SHLD2: variants seen among roughly 807,000 people sequenced by gnomAD.
SHLD2 encodes the protein RINN1-REV7-interacting novel NHEJ regulator 2.
SHLD2 carries 30 observed loss-of-function variants against 73.2 expected under a neutral mutation model. The ratio of observed to expected loss-of-function variants is 0.41; its 90% CI spans 0.31 to 0.56. SHLD2 has a LOEUF of 0.56. Ranked by LOEUF, SHLD2 falls within the 20% of genes least tolerant of loss-of-function variation. The pLI, the probability that SHLD2 is intolerant of heterozygous loss-of-function variation, is 0.28. For synonymous variants in SHLD2, 285 were observed against 370.1 expected (o/e 0.77, Z 2.64); for missense variants, 745 against 1,055.9 (o/e 0.71, Z 4.08).
chr10:87,101,949 T>C (rs1842293788), intron 2 of SHLD2, among the ~76,000 whole-genome samples: 1 of 152,204 alleles, frequency 6.6e-6, no homozygotes, highest in Non-Finnish European at 1.5e-5. Flanking sequence ...CATTCTGATA[T>C]TTACTTTAGT....
intron 2 of SHLD2, among the ~76,000 whole-genome samples, chr10:87,141,133 AAG>A (rs1167573032): frequency 6.6e-6 from 1 of 151,106 alleles, no homozygotes; most frequent in Non-Finnish European, 1.5e-5. Context: ...AAAATTTAAA[AAG>A]GGGGGCATGG....
chr10:87,163,332 C>T (rs1408580532), intron 4 of SHLD2, among the ~76,000 whole-genome samples: 3 of 151,996 alleles, frequency 2.0e-5, no homozygotes, highest in African/African-American at 7.2e-5. Flanking sequence ...AGATTGGTCA[C>T]CTACAGGGGG....
At chr10:87,167,510 C>G (rs1847285521) in intron 4 of SHLD2, among the ~76,000 whole-genome samples, 3 of 152,080 alleles carry the variant, frequency 2.0e-5, no homozygotes, top group African/African-American at 7.2e-5. Context: ...CAAGTGGTTA[C>G]AACTCATGAG....
At position 87,146,728 on chromosome 10, in the gene SHLD2, T is replaced by C. The variant is rs563946789; in HGVS notation, c.-5-4622T>C. On this transcript the variant is annotated intron_variant, in intron 2 of 9. Transcript: ENST00000298786. ...ATTAGACACCCCTGATTTAGACAAATAAGTGAAGGCACACTGAAATAACAA... is the reference window on the plus strand; with the variant it reads ...ATTAGACACCCCTGATTTAGACAAACAAGTGAAGGCACACTGAAATAACAA... Among the ~76,000 whole-genome samples the C allele has an allele frequency of 1.8e-4, 27 of 151,954 alleles. No individual in the cohort carries two copies. The Middle Eastern group carries it at 0.02, about 115-fold the overall frequency.
At chr10:87,169,071 G>A (rs910169514) in intron 4 of SHLD2, among the ~76,000 whole-genome samples, 2 of 152,134 alleles carry the variant, frequency 1.3e-5, no homozygotes, top group African/African-American at 2.4e-5. Flanking sequence ...TTTCCATGAG[G>A]TAGACTTTTT....
At chr10:87,120,028 G>T (rs188757412) in intron 2 of SHLD2, among the ~76,000 whole-genome samples, 4 of 152,090 alleles carry the variant, frequency 2.6e-5, no homozygotes, top group African/African-American at 9.6e-5. Flanking sequence ...TATGTGATGA[G>T]ATTTCTAATA....
In SHLD2 at chr10:87,176,008, A is replaced by G. The variant is rs1342150126; in HGVS notation, c.2083A>G (p.Ile695Val). 3.2e-6 allele frequency: 5 copies of G among 1,549,284 alleles called. No homozygotes were observed. Among genetic ancestry groups the G allele is most frequent in the Non-Finnish European group, 4.4e-6 (5 of 1,146,854 alleles). The part of the protein sequence containing the change: ...ECLFDDDIRA[I>V]TFKAKFQKSA... The stretch of plus-strand genomic sequence containing the variant: ...CTTGTTTGATGATGATATAAGGGCA[A>G]TTACATTTAAAGCAAAATTTCAAAA... The change falls in exon 7 of 10, where the codon ATT becomes GTT. Residue 695 changes from isoleucine to valine, a missense_variant. By Grantham distance (29) the Ile-to-Val change is conservative. Around this residue, in one of 5 missense-constraint regions of SHLD2, gnomAD observed 418 missense variants for 567.8 expected, o/e 0.74. Coordinates refer to ENST00000298786, the MANE Select transcript of SHLD2 (RefSeq NM_001330112.2).
chr10:87,183,146 T>C (rs1269867138), intron 8 of SHLD2, among the ~76,000 whole-genome samples: 1 of 152,142 alleles, frequency 6.6e-6, no homozygotes, highest in Non-Finnish European at 1.5e-5. Flanking sequence ...AGTGGACAGA[T>C]TTGAGAATGG....
chr10:87,120,536 C>A (rs186029096), intron 2 of SHLD2, among the ~76,000 whole-genome samples: 1 of 151,872 alleles, frequency 6.6e-6, no homozygotes, highest in African/African-American at 2.4e-5. Flanking sequence ...CGTGAACCAC[C>A]GCGCCCGGCC....
chr10:87,149,616 G>A (rs566483481), intron 2 of SHLD2, among the ~76,000 whole-genome samples: 141 of 152,074 alleles, frequency 9.3e-4, no homozygotes, highest in African/African-American at 3.3e-3. Context: ...TCAGCTACTC[G>A]GTAGGTTGAG....
intron 4 of SHLD2, among the ~76,000 whole-genome samples, chr10:87,161,646 C>T (rs1846826538): frequency 6.6e-6 from 1 of 152,020 alleles, no homozygotes; most frequent in African/African-American, 2.4e-5. Context: ...AAAGACATTC[C>T]CTGTTCTTGG....
intron 2 of SHLD2, among the ~76,000 whole-genome samples, chr10:87,148,056 G>T (rs1845749520): frequency 6.6e-6 from 1 of 152,094 alleles, no homozygotes; most frequent in Admixed American, 6.6e-5. Context: ...TTACCATGTT[G>T]CCTAGGCTAG....
chr10:87,154,381 A>ATTTTTTTTTTTTTTTT (rs1491242614), intron 3 of SHLD2: 1 of 76,994 alleles, frequency 1.3e-5, no homozygotes. Context: ...AGAATATTTA[A>ATTTTTTTTTTTTTTTT]TATTTTTTTT....
chr10:87,096,295 T>A (rs1841879506), intron 1 of SHLD2, among the ~76,000 whole-genome samples: 3 of 152,264 alleles, frequency 2.0e-5, no homozygotes, highest in Admixed American at 2.0e-4. Flanking sequence ...TCCGCCCGCC[T>A]AGGCCTCCCA....
rs1167223093 is a variant in SHLD2, at chr10:87,162,420, G to A, written c.1633+4265G>A. Among the ~76,000 whole-genome samples, 8 of 152,342 alleles carry A rather than the reference G, an allele frequency of 5.3e-5. No individual in the cohort carries two copies. The East Asian group carries it at 1.5e-3, about 29-fold the overall frequency. Reference sequence around the variant, plus strand: ...AAACCCTGAGTGACAAAGGCTGGGTGTGGTTGTTCACACTGGTAATCATAG... The same window carrying A: ...AAACCCTGAGTGACAAAGGCTGGGTATGGTTGTTCACACTGGTAATCATAG... On this transcript the variant is annotated intron_variant, in intron 4 of 9. Coordinates refer to ENST00000298786, the MANE Select transcript of SHLD2 (RefSeq NM_001330112.2).
intron 4 of SHLD2, among the ~76,000 whole-genome samples, chr10:87,161,544 T>C (rs1197568819): frequency 6.6e-6 from 1 of 152,046 alleles, no homozygotes; most frequent in African/African-American, 2.4e-5. Flanking sequence ...ATAAAGAAGA[T>C]AGTTCAAAAT....
At position 87,163,864 on chromosome 10, in the gene SHLD2, G is replaced by A. The variant is rs546158442; in HGVS notation, c.1633+5709G>A. 2.0e-5 allele frequency among the ~76,000 whole-genome samples: 3 copies of A among 151,662 alleles called. No individual in the cohort carries two copies. In the East Asian group the frequency reaches 5.8e-4, roughly 29 times the overall value. ...CATCTCCTAGTTCTGTCCATTGAGC[G>A]AGCACAGCACAGATGCAGTTACTCC... is the stretch of plus-strand genomic sequence containing the variant. On this transcript the variant is annotated intron_variant, in intron 4 of 9. Transcript: ENST00000298786.
chr10:87,132,668 C>T (rs1000859405), intron 2 of SHLD2, among the ~76,000 whole-genome samples: 11 of 151,802 alleles, frequency 7.2e-5, no homozygotes, highest in South Asian at 2.1e-4. Context: ...TAGCTACTTG[C>T]GAGTCTGAGG....
In SHLD2 at chr10:87,151,606, A is replaced by G. The variant is rs372992990; in HGVS notation, c.252A>G (p.Arg84=). 20 of 1,611,424 alleles carry G rather than the reference A, an allele frequency of 1.2e-5. No individual in the cohort carries two copies. In the East Asian group the frequency reaches 1.6e-4, roughly 13 times the overall value. ...SGHFLANCMN[R]HVHVKDDFVR... The stretch of plus-strand genomic sequence containing the variant: ...ATTTCTTAGCAAACTGTATGAATAG[A>G]CATGTTCATGTGAAAGATGACTTTG... Residue 84 remains arginine (R), a synonymous_variant, in exon 3 of 10, where the codon AGA becomes AGG. Transcript: ENST00000298786.
Sources: allele counts gnomAD v4.1 joint callset (sites outside exome capture counted in the v4.1 genomes callset), GRCh38; gene constraint gnomAD v4.1.1; regional missense constraint gnomAD v4.1.1; transcripts MANE v1.5; gene names NCBI Gene and HGNC (gene_info 2026-07-23, HGNC 2026-07-21).